MOXD1: variants seen among roughly 807,000 people sequenced by gnomAD.
MOXD1 encodes the protein monooxygenase DBH like 1.
Under a neutral mutation model 66.6 loss-of-function variants are expected in MOXD1, and 62 were observed. That is an observed-to-expected ratio of 0.93 (90% CI 0.76 to 1.15). MOXD1 has a LOEUF of 1.15. Among genes scored for constraint, MOXD1 ranks in the 50% most tolerant of loss-of-function variants. The pLI, the probability that MOXD1 is intolerant of heterozygous loss-of-function variation, is 0.00. For synonymous variants in MOXD1, 303 were observed against 281.9 expected (o/e 1.07, Z -0.75); for missense variants, 847 against 754.6 (o/e 1.12, Z -1.44).
chr6:132,347,614 T>A (rs1582586162), intron 4 of MOXD1, among the ~76,000 whole-genome samples: 1 of 151,872 alleles, frequency 6.6e-6, no homozygotes, highest in South Asian at 2.1e-4. Context: ...AAGGTGGAGG[T>A]TGTAGTGAGC....
intron 4 of MOXD1, among the ~76,000 whole-genome samples, chr6:132,346,248 T>A (rs1448226896): frequency 6.6e-6 from 1 of 152,186 alleles, no homozygotes; most frequent in Non-Finnish European, 1.5e-5. Flanking sequence ...TAAATATGCA[T>A]GTCTTTAAAC....
Position 132,362,936 on chromosome 6 carries a change from G to T in MOXD1, c.663+9672C>A, listed in dbSNP as rs187512496. Reference sequence around the variant, plus strand: ...TTTAAAGACTTCCTAAATCACAAATGAAACTTCGTATGTGTCATCCATTGT... The same window carrying T: ...TTTAAAGACTTCCTAAATCACAAATTAAACTTCGTATGTGTCATCCATTGT... On this transcript the variant is annotated intron_variant, in intron 4 of 11. Coordinates refer to ENST00000367963, the MANE Select transcript of MOXD1 (RefSeq NM_015529.4). Among the ~76,000 whole-genome samples the T allele has an allele frequency of 3.3e-3, 495 of 152,178 alleles. 4 individuals are homozygous for T. Among genetic ancestry groups the T allele is most frequent in the Middle Eastern group, 0.024 (7 of 294 alleles).
At chr6:132,373,973 A>G (rs1018094123) in intron 2 of MOXD1, among the ~76,000 whole-genome samples, 2 of 152,174 alleles carry the variant, frequency 1.3e-5, no homozygotes, top group African/African-American at 4.8e-5. Flanking sequence ...GAACTGCTTC[A>G]TATTTTTTAC....
intron 8 of MOXD1, among the ~76,000 whole-genome samples, chr6:132,321,049 G>A (rs1337221104): frequency 6.6e-6 from 1 of 152,076 alleles, no homozygotes; most frequent in Non-Finnish European, 1.5e-5. Flanking sequence ...GGTGGATCAC[G>A]AGGTCAGGAG....
chr6:132,397,448 T>C (rs2114701197), intron 1 of MOXD1, among the ~76,000 whole-genome samples: 1 of 152,284 alleles, frequency 6.6e-6, no homozygotes, highest in East Asian at 1.9e-4. Context: ...GTTGATTCTT[T>C]ATTAACATTA....
chr6:132,298,766 C>A (rs1243764918), intron 10 of MOXD1, among the ~76,000 whole-genome samples: 1 of 146,164 alleles, frequency 6.8e-6, no homozygotes, highest in Admixed American at 6.7e-5. Flanking sequence ...CAAAAAAAAA[C>A]AACAACTGAT....
At chr6:132,356,973 GA>G (rs1775921333) in intron 4 of MOXD1, among the ~76,000 whole-genome samples, 1 of 151,750 alleles carries the variant, frequency 6.6e-6, no homozygotes, top group Non-Finnish European at 1.5e-5. Flanking sequence ...CTTATTATGA[GA>G]AGTATATATT....
At position 132,297,036 on chromosome 6, in the gene MOXD1, A is replaced by G; in HGVS notation, c.*117T>C. 4 of 1,021,238 alleles carry G rather than the reference A, an allele frequency of 3.9e-6. No homozygotes were observed. Among genetic ancestry groups the G allele is most frequent in the Non-Finnish European group, 5.7e-6 (4 of 705,690 alleles). The allele number at this position is 1,021,238 out of a possible 1,614,324, so 63.3% of individuals were successfully genotyped here. ...TGGAAAGGAAAAAGGAGGGAGGGAA[A>G]ATGGGGAAGAAAAGTCTCCACACTC... On this transcript the variant is annotated 3_prime_UTR_variant, in exon 12 of 12. Coordinates refer to ENST00000367963, the MANE Select transcript of MOXD1 (RefSeq NM_015529.4).
chr6:132,397,602 C>T (rs1582616253), intron 1 of MOXD1, among the ~76,000 whole-genome samples: 1 of 144,270 alleles, frequency 6.9e-6, no homozygotes, highest in South Asian at 2.1e-4. Flanking sequence ...AACACACACA[C>T]ACACACTCAC....
At chr6:132,363,563 TG>T (rs1395832756) in intron 4 of MOXD1, among the ~76,000 whole-genome samples, 1 of 152,126 alleles carries the variant, frequency 6.6e-6, no homozygotes, top group Non-Finnish European at 1.5e-5. Flanking sequence ...CAAAATTGTA[TG>T]GAAAAAGCCC....
At chr6:132,301,610 G>A (rs1774539549) in intron 10 of MOXD1, among the ~76,000 whole-genome samples, 1 of 151,880 alleles carries the variant, frequency 6.6e-6, no homozygotes, top group Non-Finnish European at 1.5e-5. Context: ...AAGAGAGATG[G>A]AAGATTTAAC....
At chr6:132,383,384 C>A (rs1453272643) in intron 1 of MOXD1, among the ~76,000 whole-genome samples, 1 of 152,214 alleles carries the variant, frequency 6.6e-6, no homozygotes, top group East Asian at 1.9e-4. Flanking sequence ...AGGCACTTAC[C>A]TTTTAGAAAC....
intron 1 of MOXD1, among the ~76,000 whole-genome samples, chr6:132,388,446 G>A (rs1463731531): frequency 6.6e-6 from 1 of 151,350 alleles, no homozygotes; most frequent in Non-Finnish European, 1.5e-5. Context: ...CCAAGCACAT[G>A]GAATCATTCC....
At chr6:132,348,523 C>T (rs547784153) in intron 4 of MOXD1, among the ~76,000 whole-genome samples, 1 of 152,182 alleles carries the variant, frequency 6.6e-6, no homozygotes, top group Non-Finnish European at 1.5e-5. Flanking sequence ...TTAAGTTAAG[C>T]CTAAAATAAC....
intron 4 of MOXD1, among the ~76,000 whole-genome samples, chr6:132,329,145 T>C (rs1311276215): frequency 1.6e-4 from 25 of 152,108 alleles, no homozygotes. Flanking sequence ...CCCTGGTGTG[T>C]GATGTTCTCC....
At chr6:132,385,908 C>A (rs1206670563) in intron 1 of MOXD1, among the ~76,000 whole-genome samples, 6 of 151,348 alleles carry the variant, frequency 4.0e-5, no homozygotes, top group East Asian at 3.9e-4. Context: ...TCGAGACCAT[C>A]CTGGCTAACA....
intron 10 of MOXD1, among the ~76,000 whole-genome samples, chr6:132,303,232 G>T (rs1312516803): frequency 6.6e-6 from 1 of 152,092 alleles, no homozygotes; most frequent in East Asian, 1.9e-4. Flanking sequence ...GCCACAGACT[G>T]GGAGAAATTG....
chr6:132,337,014 C>T (rs1439378607), intron 4 of MOXD1, among the ~76,000 whole-genome samples: 2 of 152,102 alleles, frequency 1.3e-5, no homozygotes, highest in Non-Finnish European at 2.9e-5. Flanking sequence ...ATGAAAGAAG[C>T]CAGCATTCAG....
intron 4 of MOXD1, among the ~76,000 whole-genome samples, chr6:132,369,091 A>G (rs899873055): frequency 2.6e-5 from 4 of 152,094 alleles, no homozygotes; most frequent in African/African-American, 9.7e-5. Context: ...AATGAGATGG[A>G]GCATAATGAA....
Sources: allele counts gnomAD v4.1 joint callset (sites outside exome capture counted in the v4.1 genomes callset), GRCh38; gene constraint gnomAD v4.1.1; transcripts MANE v1.5; gene names NCBI Gene and HGNC (gene_info 2026-07-23, HGNC 2026-07-21).